CDKL2: variants seen among roughly 807,000 people sequenced by gnomAD.
CDKL2 encodes cyclin-dependent kinase-like 2.
In CDKL2, 64 loss-of-function variants were observed where a neutral mutation model predicts 63.9. The observed-to-expected ratio is 1.00, with a 90% CI of 0.82 to 1.23. The LOEUF is 1.23. Ranked by LOEUF, CDKL2 falls within the 50% of genes most tolerant of loss-of-function variation. The pLI, the probability that CDKL2 is intolerant of heterozygous loss-of-function variation, is 0.00. For missense variants in CDKL2, 656 were observed against 668.0 expected (o/e 0.98, Z 0.20); for synonymous variants, 211 against 229.2 (o/e 0.92, Z 0.72).
Position 75,581,892 on chromosome 4 carries a change from C to A in CDKL2, c.1654G>T (p.Gly552Ter), listed in dbSNP as rs575536568. Residue 552 changes from glycine (G) to a stop codon, truncating the protein, a stop_gained, in exon 13 of 14, where the codon GGA becomes TGA. Transcript: ENST00000307465. LOFTEE classifies it high-confidence loss of function. ...CCTGAATCATCTGACAGGGGAGGTC[C>A]TGATACCTATAAATTAATAATAGAG... ...TPSITLHQVS[G>*]PPLSDDSGAD... 1.2e-6 allele frequency: 2 copies of A among 1,608,462 alleles called. No homozygotes were observed. Among genetic ancestry groups the A allele is most frequent in the African/African-American group, 2.7e-5 (2 of 74,934 alleles).
In CDKL2 at chr4:75,600,626, AT is replaced by A. The variant is rs1191827316; in HGVS notation, c.796-258del. ...AGGTGCACACCACCACACCCAGCTA[AT>A]TTTTGTATTTTTTGTAGAGACAGCG... is the stretch of plus-strand genomic sequence containing the variant. On this transcript the variant is annotated intron_variant, in intron 6 of 13. Transcript: ENST00000307465. Among the ~76,000 whole-genome samples the A allele has an allele frequency of 3.9e-5, 6 of 152,024 alleles. No individual in the cohort carries two copies. In the East Asian group the frequency reaches 1.2e-3, roughly 29 times the overall value.
chr4:75,597,914 TTCTAAACAGGTAATA>T (rs1160349735), intron 8 of CDKL2, among the ~76,000 whole-genome samples, 148 bp downstream of exon 8: 1 of 152,194 alleles, frequency 6.6e-6, no homozygotes, highest in African/African-American at 2.4e-5. Flanking sequence ...ATGTTAAGTT[TTCTAAACAGGTAATA>T]TCTACTGAGA....
At chr4:75,589,089 A>T (rs1331323942) in intron 12 of CDKL2, among the ~76,000 whole-genome samples, 2 of 152,194 alleles carry the variant, frequency 1.3e-5, no homozygotes, top group African/African-American at 4.8e-5. Context: ...TCTCATGTGC[A>T]AATAAGCACA....
intron 2 of CDKL2, among the ~76,000 whole-genome samples, chr4:75,617,236 T>C (rs1428186309): frequency 6.6e-6 from 1 of 152,052 alleles, no homozygotes; most frequent in Non-Finnish European, 1.5e-5. Flanking sequence ...CTGCCTTCCC[T>C]TAAAACAGAC....
At chr4:75,610,853 CTG>C (rs1247155678) in intron 3 of CDKL2, among the ~76,000 whole-genome samples, 3 of 151,954 alleles carry the variant, frequency 2.0e-5, no homozygotes, top group African/African-American at 7.3e-5. Context: ...ATGTATATAT[CTG>C]TGTGTTTTAT....
Position 75,597,066 on chromosome 4 carries a change from G to T in CDKL2, c.1191C>A (p.Cys397Ter). 1 of 1,614,170 alleles carries T rather than the reference G, an allele frequency of 6.2e-7. No individual in the cohort carries two copies. The highest frequency in any genetic ancestry group is 8.5e-7 in the Non-Finnish European group (1 of 1,180,018). Reference protein sequence around the residue: ...KIVPSTSLKDCSNVSVDHTRN... With the variant: ...KIVPSTSLKD ...TTGTGTGGTCCACGCTGACATTGCT[G>T]CAGTCTTTGAGGCTTGTTGAAGGCA... Residue 397 changes from cysteine to a stop codon, truncating the protein, a stop_gained, in exon 9 of 14, where the codon TGC becomes TGA. Coordinates refer to ENST00000307465, the MANE Select transcript of CDKL2 (RefSeq NM_001330724.2). LOFTEE classifies it high-confidence loss of function.
chr4:75,600,475 T>A (rs959239143), intron 6 of CDKL2, 106 bp from the exon 7 acceptor site: 2 of 679,646 alleles, frequency 2.9e-6, no homozygotes, highest in Non-Finnish European at 2.5e-6. Context: ...TTTTTTTTTT[T>A]AAGACAGGGT....
intron 12 of CDKL2, among the ~76,000 whole-genome samples, chr4:75,587,663 G>A (rs1317266583): frequency 2.0e-5 from 3 of 152,006 alleles, no homozygotes; most frequent in Non-Finnish European, 4.4e-5. Context: ...CAGCACTTTG[G>A]GAGGCCGAGA....
chr4:75,591,020 T>C (rs1239372332), intron 12 of CDKL2, among the ~76,000 whole-genome samples: 2 of 152,118 alleles, frequency 1.3e-5, no homozygotes, highest in Non-Finnish European at 2.9e-5. Context: ...TAGAAACACA[T>C]ATATTCTGAA....
intron 4 of CDKL2, among the ~76,000 whole-genome samples, chr4:75,606,167 T>C (rs1030268541): frequency 1.3e-5 from 2 of 151,704 alleles, no homozygotes; most frequent in Non-Finnish European, 2.9e-5. Context: ...AGGTGGCTGC[T>C]AAGGATAAAT....
At chr4:75,609,342 C>T (rs905345259) in intron 3 of CDKL2, among the ~76,000 whole-genome samples, 3 of 151,964 alleles carry the variant, frequency 2.0e-5, no homozygotes, top group Admixed American at 2.0e-4. Flanking sequence ...TGCGGTGGCT[C>T]ACGCCTGTAA....
chr4:75,622,715 CAAAAAAAAA>C (rs1171964321), intron 2 of CDKL2, among the ~76,000 whole-genome samples: 8 of 13,956 alleles, frequency 5.7e-4, no homozygotes, highest in East Asian at 3.3e-3. Context: ...AAGACTCCAT[CAAAAAAAAA>C]AAAAAAAAAA....
intron 3 of CDKL2, among the ~76,000 whole-genome samples, chr4:75,608,765 A>C (rs1258359621): frequency 1.3e-5 from 2 of 151,990 alleles, no homozygotes; most frequent in African/African-American, 4.8e-5. Flanking sequence ...AGGCCGAGGC[A>C]GGCAGATCAC....
At chr4:75,610,918 C>A (rs144705528) in intron 3 of CDKL2, among the ~76,000 whole-genome samples, 1 of 152,090 alleles carries the variant, frequency 6.6e-6, no homozygotes, top group East Asian at 1.9e-4. Context: ...ATGTTAACTG[C>A]CCAGAAAACA....
Position 75,619,577 on chromosome 4 carries a change from T to TAAAAAAAAAAAAAA in CDKL2, c.169-5142_169-5129dup, listed in dbSNP as rs71203836. 3.8e-5 allele frequency among the ~76,000 whole-genome samples: 3 copies of TAAAAAAAAAAAAAA among 78,146 alleles called. 1 individual carries two copies. The highest frequency in any genetic ancestry group is 3.5e-4 in the Admixed American group (2 of 5,638). The allele number at this position is 78,146 out of a possible 152,430, so 51.3% of individuals were successfully genotyped here. ...ACATGGTGATGGGCTCACAGCTGTA[T>TAAAAAAAAAAAAAA]AAAAAAAAAAAAAAAAAAAAAAAAA... On this transcript the variant is annotated intron_variant, in intron 2 of 13. Transcript: ENST00000307465.
chr4:75,618,636 T>C (rs2148907435), intron 2 of CDKL2, among the ~76,000 whole-genome samples: 1 of 152,322 alleles, frequency 6.6e-6, no homozygotes, highest in Non-Finnish European at 1.5e-5. Context: ...TGAGGATTAC[T>C]GGGCTAAAAT....
chr4:75,587,420 C>T (rs975049492), intron 12 of CDKL2, among the ~76,000 whole-genome samples: 2 of 152,116 alleles, frequency 1.3e-5, no homozygotes, highest in African/African-American at 4.8e-5. Flanking sequence ...TGCCACTGTA[C>T]TCCAGTCTGG....
intron 9 of CDKL2, 101 bp downstream of exon 9, chr4:75,596,834 A>T: frequency 9.9e-7 from 1 of 1,013,714 alleles, no homozygotes; most frequent in Non-Finnish European, 1.4e-6. Context: ...AATAGCATCC[A>T]GAATTCTGAG....
At chr4:75,592,591 C>T (rs1728763853) in intron 10 of CDKL2, among the ~76,000 whole-genome samples, 1 of 152,178 alleles carries the variant, frequency 6.6e-6, no homozygotes, top group African/African-American at 2.4e-5. Flanking sequence ...GTTCTTCAGG[C>T]CAGCAAGGTC....
Sources: gnomAD v4.1 joint callset for allele counts (sites outside exome capture counted in the v4.1 genomes callset) on GRCh38, gnomAD v4.1.1 for gene constraint, MANE v1.5 for transcripts, NCBI Gene and HGNC (gene_info 2026-07-23, HGNC 2026-07-21) for gene names.